NPIPB2: variants seen among roughly 807,000 people sequenced by gnomAD.
The protein encoded by NPIPB2 is nuclear pore complex interacting protein family member B2.
A neutral mutation model predicts 30.8 loss-of-function variants in NPIPB2; 27 were observed. The observed-to-expected ratio is 0.88, with a 90% CI of 0.65 to 1.21. The LOEUF is 1.21. NPIPB2 is among the 50% of genes most tolerant of loss of function. The probability of loss-of-function intolerance (pLI) is 0.00; values close to 1 mark genes in which losing one functional copy is unlikely to be tolerated. For synonymous variants in NPIPB2, 147 were observed against 162.0 expected, an observed-to-expected ratio of 0.91 and a Z score of 0.70; for missense variants, 440 against 446.2, an observed-to-expected ratio of 0.99 and a Z score of 0.13.
At position 11,937,743 on chromosome 16, in the gene NPIPB2, A is replaced by G. The variant is rs551829154; in HGVS notation, c.64-75T>C. Reference sequence around the variant, plus strand: ...ATTTCACTCAGAAAGAATCATCCTTAGAAACCGTCAACCTCCTCCAAAAGG... The same window carrying G: ...ATTTCACTCAGAAAGAATCATCCTTGGAAACCGTCAACCTCCTCCAAAAGG... On this transcript the variant is annotated intron_variant, in intron 1 of 7. Coordinates refer to ENST00000399147, the Ensembl canonical transcript of NPIPB2. 29 of 1,552,132 alleles carry G rather than the reference A, an allele frequency of 1.9e-5. No homozygotes were observed. The South Asian group carries it at 2.6e-4, about 14-fold the overall frequency.
At chr16:11,941,956 G>C (rs1162115546) in intron 1 of NPIPB2, 27 bp downstream of exon 1, 3 of 990,898 alleles carry the variant, frequency 3.0e-6, no homozygotes, top group East Asian at 5.2e-5. Context: ...AACAAATGAT[G>C]GCAGGATGGC....
chr16:11,966,438 G>A (rs531066231), intron 1 of NPIPB2: 30 of 1,250,384 alleles, frequency 2.4e-5, no homozygotes, highest in Non-Finnish European at 3.0e-5. Context: ...ATTTCACTTC[G>A]TTACAGCCCT....
intron 1 of NPIPB2, chr16:11,968,135 G>C (rs2055211157): frequency 3.0e-6 from 1 of 330,134 alleles, no homozygotes; most frequent in East Asian, 5.5e-5. Flanking sequence ...GGGTGAGGGT[G>C]GGAGAGAAAG....
chr16:11,938,497 A>G lies in NPIPB2; in HGVS notation c.64-829T>C, dbSNP rs531302099. On this transcript the variant is annotated intron_variant, in intron 1 of 7. Transcript: ENST00000399147. ...AGGTGCCTGACAGTGCACTCAGCAAATTTTTGTATTTTCTGTGGAGATGGG... is the reference window on the plus strand; with the variant it reads ...AGGTGCCTGACAGTGCACTCAGCAAGTTTTTGTATTTTCTGTGGAGATGGG... Among the ~76,000 whole-genome samples, 11 of 151,040 alleles carry G rather than the reference A, an allele frequency of 7.3e-5. No individual in the cohort carries two copies. The East Asian group carries it at 2.2e-3, about 30-fold the overall frequency.
chr16:11,942,532 T>C (rs1056256670), upstream of NPIPB2, among the ~76,000 whole-genome samples: 1 of 151,918 alleles, frequency 6.6e-6, no homozygotes, highest in South Asian at 2.1e-4. Context: ...ATCTATATCA[T>C]CTTACTGCCC....
intron 2 of NPIPB2, among the ~76,000 whole-genome samples, chr16:11,935,730 T>C (rs1290568803): frequency 2.1e-5 from 3 of 146,154 alleles, no homozygotes; most frequent in Non-Finnish European, 4.5e-5. Context: ...TCTAAAAAGA[T>C]GAAAAGAGCA....
chr16:11,938,286 G>A (rs1881807983), intron 1 of NPIPB2, among the ~76,000 whole-genome samples: 1 of 152,030 alleles, frequency 6.6e-6, no homozygotes, highest in Non-Finnish European at 1.5e-5. Context: ...AAAGTGCTGG[G>A]ATTACAGGTG....
At chr16:11,955,893 C>T (rs1489240703) in intron 1 of NPIPB2, among the ~76,000 whole-genome samples, 7 of 145,084 alleles carry the variant, frequency 4.8e-5, no homozygotes, top group Non-Finnish European at 1.1e-4. Context: ...ACTTGACTCT[C>T]GTTTTGCAAA....
At chr16:11,955,113 A>G (rs1033177966) in intron 1 of NPIPB2, among the ~76,000 whole-genome samples, 1 of 151,790 alleles carries the variant, frequency 6.6e-6, no homozygotes, top group Non-Finnish European at 1.5e-5. Flanking sequence ...GGTGGCTCAC[A>G]CCTATAATCC....
intron 1 of NPIPB2, among the ~76,000 whole-genome samples, chr16:11,951,666 A>ACACACACACACACACCCCCC (rs1226047972): frequency 7.2e-6 from 1 of 138,874 alleles, no homozygotes; most frequent in Non-Finnish European, 1.6e-5. Flanking sequence ...ACACACACAC[A>ACACACACACACACACCCCCC]CCCAGCCCCC....
intron 1 of NPIPB2, among the ~76,000 whole-genome samples, chr16:11,947,818 G>C (rs1421764276): frequency 2.6e-5 from 4 of 151,496 alleles, no homozygotes; most frequent in Non-Finnish European, 5.9e-5. Flanking sequence ...TGCACTGACC[G>C]GCTTCGTCCT....
At chr16:11,933,896 G>T in exon 3 of NPIPB2, 1 of 1,556,740 alleles carries the variant, frequency 6.4e-7, no homozygotes, top group Admixed American at 1.7e-5. Context: ...TCCATTTTCA[G>T]ACTGGAAGAT....
chr16:11,965,304 C>A lies in NPIPB2; in HGVS notation c.-584+11264G>T. 2.5e-6 allele frequency: 4 copies of A among 1,613,722 alleles called. No individual in the cohort carries two copies. In the East Asian group the frequency reaches 8.9e-5, roughly 36 times the overall value. ...TTCCAGGCTGTTCTTTCTGTAGCTC[C>A]CTTGTTTTCTTTTTGTGATCATGTT... On this transcript the variant is annotated intron_variant, in intron 1 of 5. Transcript: ENST00000538896.
At chr16:11,948,084 AG>A (rs1227966405) in intron 1 of NPIPB2, among the ~76,000 whole-genome samples, 1 of 150,802 alleles carries the variant, frequency 6.6e-6, no homozygotes, top group African/African-American at 2.4e-5. Context: ...ACTATGGCAA[AG>A]GGAGGCAGAG....
At chr16:11,945,221 T>C (rs2054993593), upstream of NPIPB2, among the ~76,000 whole-genome samples, 1 of 151,426 alleles carries the variant, frequency 6.6e-6, no homozygotes, top group Admixed American at 6.6e-5. Flanking sequence ...AATAAATATA[T>C]AAAAAGATAT....
chr16:11,963,984 G>A (rs542384207), intron 1 of NPIPB2: 1 of 150,854 alleles, frequency 6.6e-6, no homozygotes, highest in East Asian at 2.0e-4. Flanking sequence ...GCAGTGAGCT[G>A]TGATTGTGTC....
At chr16:11,927,368 A>G, downstream of NPIPB2, 1 of 881,236 alleles carries the variant, frequency 1.1e-6, no homozygotes, top group Non-Finnish European at 1.8e-6. Context: ...TTTTATTCTT[A>G]TTGCTCAGGC....
At chr16:11,942,715 G>T (rs1473703688), upstream of NPIPB2, among the ~76,000 whole-genome samples, 1 of 151,196 alleles carries the variant, frequency 6.6e-6, no homozygotes, top group African/African-American at 2.4e-5. Context: ...GCAGCATCAT[G>T]TGTGATGGGT....
intron 1 of NPIPB2, among the ~76,000 whole-genome samples, chr16:11,969,163 G>A (rs907145565): frequency 2.0e-5 from 3 of 151,946 alleles, no homozygotes; most frequent in Non-Finnish European, 2.9e-5. Context: ...TATCGCGCCC[G>A]GCCCCAGTCA....
Sources: gnomAD v4.1 joint callset for allele counts (sites outside exome capture counted in the v4.1 genomes callset) on GRCh38, gnomAD v4.1.1 for gene constraint, MANE v1.5 for transcripts, NCBI Gene and HGNC (gene_info 2026-07-23, HGNC 2026-07-21) for gene names.